TEX14: variants seen among roughly 807,000 people sequenced by gnomAD.
The protein encoded by TEX14 is inactive serine/threonine-protein kinase TEX14.
In TEX14, 168 loss-of-function variants were observed where a neutral mutation model predicts 178.6. That is an observed-to-expected ratio of 0.94 (90% CI 0.83 to 1.07). TEX14 has a LOEUF of 1.07. Ranked by LOEUF, TEX14 falls within the 50% of genes least tolerant of loss-of-function variation. The pLI is 0.00. For synonymous variants in TEX14, 626 were observed against 634.1 expected, an observed-to-expected ratio of 0.99 and a Z score of 0.19; for missense variants, 1,730 against 1,753.6, an observed-to-expected ratio of 0.99 and a Z score of 0.24.
intron 15 of TEX14, 124 bp downstream of exon 15, chr17:58,593,431 A>C: frequency 1.3e-6 from 1 of 741,078 alleles, no homozygotes; most frequent in East Asian, 2.7e-5. Flanking sequence ...GCCAATCTGC[A>C]TTACTCTTCT....
chr17:58,587,843 A>AGCCCCCCCCCCCCCCCCCCCC, intron 16 of TEX14, 53 bp downstream of exon 16: 1 of 1,118,858 alleles, frequency 8.9e-7, no homozygotes, highest in Non-Finnish European at 1.4e-6. Context: ...GGGTGCCAGA[A>AGCCCCCCCCCCCCCCCCCCCC]CCCACCCCCA....
chr17:58,661,499 GGT>G, intron 1 of TEX14: 1 of 780,928 alleles, frequency 1.3e-6, no homozygotes, highest in Non-Finnish European at 2.4e-6. Flanking sequence ...GGAACCGGTG[GGT>G]TCAGTCGCTC....
At chr17:58,683,539 G>T (rs1371063569) in intron 1 of TEX14, among the ~76,000 whole-genome samples, 1 of 151,184 alleles carries the variant, frequency 6.6e-6, no homozygotes, top group Non-Finnish European at 1.5e-5. Context: ...GAGGCAGGCG[G>T]ATAACCTGAG....
At position 58,611,193 on chromosome 17, in the gene TEX14, C is replaced by T. The variant is rs369949892; in HGVS notation, c.1152G>A (p.Ala384=). 8.7e-6 allele frequency: 14 copies of T among 1,613,972 alleles called. No homozygotes were observed. The highest frequency in any genetic ancestry group is 7.7e-5 in the South Asian group (7 of 91,070). ...ACATGTACTCCAGGTTGGTCAGCCT[C>T]GCTTCACCTGGGGAGATGATATGGA... The part of the protein sequence containing the change: ...YAVHIISPGE[A]RLTNLEYMLE... Residue 384 remains alanine, a synonymous_variant, in exon 10 of 32, where the codon GCG becomes GCA. Transcript: ENST00000349033.
At position 58,687,438 on chromosome 17, in the gene TEX14, G is replaced by A. The variant is rs146755962; in HGVS notation, c.-2+4501C>T. 1.9e-3 allele frequency among the ~76,000 whole-genome samples: 282 copies of A among 152,084 alleles called. 1 individual carries two copies. The highest frequency in any genetic ancestry group is 6.5e-3 in the African/African-American group (269 of 41,462). ...CCTCCTTTGTTCAGCCCATAGGTCC[G>A]TGCGGGTTACAGAGTGGTGCCCTGA... On this transcript the variant is annotated intron_variant, in intron 1 of 31. Coordinates refer to ENST00000349033, the MANE Select transcript of TEX14 (RefSeq NM_031272.5).
At chr17:58,683,932 G>A (rs1344722167) in intron 1 of TEX14, among the ~76,000 whole-genome samples, 1 of 151,220 alleles carries the variant, frequency 6.6e-6, no homozygotes, top group African/African-American at 2.4e-5. Context: ...GGGCGTGGTG[G>A]TGCATCCCTG....
chr17:58,638,854 CTTTTTTTTTTTTT>C (rs1210311633), intron 2 of TEX14, among the ~76,000 whole-genome samples: 18 of 75,108 alleles, frequency 2.4e-4, no homozygotes, highest in African/African-American at 8.9e-4. Context: ...GACTATTATT[CTTTTTTTTTTTTT>C]TTTTTTTTTT....
At chr17:58,679,973 G>A (rs549698070) in intron 1 of TEX14, among the ~76,000 whole-genome samples, 2 of 152,144 alleles carry the variant, frequency 1.3e-5, no homozygotes, top group East Asian at 1.9e-4. Flanking sequence ...TTGGTGACAC[G>A]ACTGAAATAA....
intron 2 of TEX14, among the ~76,000 whole-genome samples, chr17:58,632,458 C>T (rs1467806984): frequency 6.6e-6 from 1 of 152,170 alleles, no homozygotes; most frequent in African/African-American, 2.4e-5. Flanking sequence ...TTCCAAAATG[C>T]TGGGATTACA....
chr17:58,646,351 C>T (rs1274867312), intron 2 of TEX14, among the ~76,000 whole-genome samples: 1 of 152,222 alleles, frequency 6.6e-6, no homozygotes, highest in Non-Finnish European at 1.5e-5. Context: ...AAGGCTCTGA[C>T]TGGTCCAGCC....
At chr17:58,670,771 TTAAAAAAAAAAA>T (rs1181040943) in intron 1 of TEX14, among the ~76,000 whole-genome samples, 11 of 7,956 alleles carry the variant, frequency 1.4e-3, no homozygotes, top group Admixed American at 4.2e-3. Context: ...AGACTCCCTC[TTAAAAAAAAAAA>T]AAAAAAAAAA....
Position 58,599,628 on chromosome 17 carries a change from T to A in TEX14, c.1717A>T (p.Thr573Ser). The A allele has an allele frequency of 1.2e-6, 2 of 1,613,190 alleles. No homozygotes were observed. The highest frequency in any genetic ancestry group is 1.7e-6 in the Non-Finnish European group (2 of 1,179,890). The part of the protein sequence containing the change: ...PHSPRVHSLF[T>S]EGTLDPQAPD... ...GCCTGAGGATCTAGTGTCCCCTCAG[T>A]GAATAAAGAGTGAACCCTTGGTGAA... The change falls in exon 14 of 32, where the codon ACT (threonine) becomes TCT (serine). Residue 573 changes from threonine to serine, a missense_variant. This residue lies in a region of TEX14 where 941 missense variants were observed against 1,072.4 expected (regional missense o/e 0.88). Coordinates refer to ENST00000349033, the MANE Select transcript of TEX14 (RefSeq NM_031272.5).
At chr17:58,666,452 C>A (rs1052361757) in intron 1 of TEX14, 3 of 110,040 alleles carry the variant, frequency 2.7e-5, no homozygotes, top group Non-Finnish European at 5.7e-5. Context: ...AACAAACCTT[C>A]CACGGCAAAA....
rs560906415 is a variant in TEX14 at position 58,632,472 on chromosome 17, G to A, written c.137-1918C>T. On this transcript the variant is annotated intron_variant, in intron 2 of 31. Transcript: ENST00000349033. ...CTTCCAAAATGCTGGGATTACAGGCGTGAGCCGTCACACCCGGCCATTGCT... is the reference window on the plus strand; with the variant it reads ...CTTCCAAAATGCTGGGATTACAGGCATGAGCCGTCACACCCGGCCATTGCT... Among the ~76,000 whole-genome samples the A allele has an allele frequency of 6.6e-5, 10 of 152,296 alleles. No homozygotes were observed. In the South Asian group the frequency reaches 2.1e-3, roughly 32 times the overall value.
intron 3 of TEX14, among the ~76,000 whole-genome samples, chr17:58,627,913 CTTTTTTTTT>C (rs1172697593): frequency 2.6e-5 from 2 of 75,692 alleles, no homozygotes; most frequent in South Asian, 1.1e-3. Context: ...CCCATGCCAC[CTTTTTTTTT>C]TTTTTTTTTT....
chr17:58,661,647 A>G (rs372775807), intron 1 of TEX14: 123 of 652,480 alleles, frequency 1.9e-4, no homozygotes, highest in African/African-American at 1.9e-3. Flanking sequence ...TTCTGGACAC[A>G]CGTAAAGATT....
At position 58,598,922 on chromosome 17, in the gene TEX14, G is replaced by A. The variant is rs114145844; in HGVS notation, c.2423C>T (p.Pro808Leu). The stretch of plus-strand genomic sequence containing the variant: ...GGTTGGGTAGTTGCCACTGGTGTCT[G>A]GCTTCTGACCCCCTGAAAGCTGTAG... ...PVLQLSGGQK[P>L]DTSGNYPTLP... Residue 808 changes from proline (P) to leucine (L), a missense_variant, in exon 14 of 32, where the codon CCA (proline) becomes CTA (leucine). Transcript: ENST00000349033. 1.3e-4 allele frequency: 215 copies of A among 1,613,806 alleles called. No homozygotes were observed. The highest frequency in any genetic ancestry group is 1.7e-4 in the Non-Finnish European group (195 of 1,179,862).
chr17:58,599,718 G>T (rs1351810504), intron 13 of TEX14, 52 bp from the exon 14 acceptor site: 5 of 1,472,642 alleles, frequency 3.4e-6, no homozygotes, highest in East Asian at 2.3e-5. Flanking sequence ...ATATTTGGCA[G>T]CTAAGCAGCC....
rs559111045 is a variant in TEX14, at chr17:58,606,473, A to G, written c.1185-1344T>C. Among the ~76,000 whole-genome samples, 271 of 152,330 alleles carry G rather than the reference A, an allele frequency of 1.8e-3. 2 individuals carry two copies. The highest frequency in any genetic ancestry group is 6.8e-3 in the Middle Eastern group (2 of 294). On this transcript the variant is annotated intron_variant, in intron 10 of 31. Transcript: ENST00000349033. ...GAGATGGGCTTCTCAGACTTTGAGCAAACTTCCCTAAATAAAGTTTCTTCC... is the reference window on the plus strand; with the variant it reads ...GAGATGGGCTTCTCAGACTTTGAGCGAACTTCCCTAAATAAAGTTTCTTCC...
Sources: allele counts gnomAD v4.1 joint callset (sites outside exome capture counted in the v4.1 genomes callset), GRCh38; gene constraint gnomAD v4.1.1; regional missense constraint gnomAD v4.1.1; transcripts MANE v1.5; gene names NCBI Gene and HGNC (gene_info 2026-07-23, HGNC 2026-07-21).